The following CHSY1 variants were observed in gnomAD, a reference collection of about 807,000 sequenced individuals.
CHSY1 encodes N-acetylgalactosaminyl-proteoglycan 3-beta-glucuronosyltransferase 1.
In CHSY1, 13 loss-of-function variants were observed where a neutral mutation model predicts 59.8. The observed-to-expected ratio is 0.22, with a 90% confidence interval of 0.14 to 0.35. The LOEUF is 0.35. Ranked by LOEUF, CHSY1 falls within the 10% of genes least tolerant of loss-of-function variation. CHSY1 has a pLI of 1.00. For synonymous variants in CHSY1, 459 were observed against 401.2 expected (o/e 1.14, Z -1.72); for missense variants, 947 against 1,030.6 (o/e 0.92, Z 1.11).
intron 2 of CHSY1, among the ~76,000 whole-genome samples, chr15:101,226,363 C>A (rs1294831305): frequency 6.6e-6 from 1 of 152,102 alleles, no homozygotes; most frequent in East Asian, 1.9e-4. Flanking sequence ...TTGGAACCAC[C>A]CTATAACGTA....
At chr15:101,203,830 G>A (rs1473597967) in intron 2 of CHSY1, among the ~76,000 whole-genome samples, 1 of 152,164 alleles carries the variant, frequency 6.6e-6, no homozygotes, top group Non-Finnish European at 1.5e-5. Context: ...TCAAGGTCAT[G>A]AACAGCAAAG....
chr15:101,225,301 C>A (rs911525527), intron 2 of CHSY1, among the ~76,000 whole-genome samples: 2 of 152,070 alleles, frequency 1.3e-5, no homozygotes, highest in Admixed American at 6.5e-5. Context: ...CTCCTGGGCT[C>A]AAGTGATTCT....
chr15:101,213,777 G>A (rs1166966049), intron 2 of CHSY1, among the ~76,000 whole-genome samples: 2 of 152,136 alleles, frequency 1.3e-5, no homozygotes, highest in Admixed American at 1.3e-4. Context: ...AGAAGATACA[G>A]GTACGAAGAA....
chr15:101,238,698 T>C (rs1456345169), intron 1 of CHSY1, among the ~76,000 whole-genome samples: 1 of 152,234 alleles, frequency 6.6e-6, no homozygotes, highest in African/African-American at 2.4e-5. Flanking sequence ...AAAATGGACC[T>C]GTATTCTTAC....
intron 2 of CHSY1, among the ~76,000 whole-genome samples, chr15:101,231,320 C>T (rs550506125): frequency 3.3e-5 from 5 of 152,292 alleles, no homozygotes; most frequent in Admixed American, 2.0e-4. Flanking sequence ...GTAGGTATTA[C>T]GCTACCATTC....
At chr15:101,239,590 T>C (rs888110855) in intron 1 of CHSY1, among the ~76,000 whole-genome samples, 1 of 152,212 alleles carries the variant, frequency 6.6e-6, no homozygotes, top group Non-Finnish European at 1.5e-5. Flanking sequence ...GTATGACTTA[T>C]TATTAAGGAA....
chr15:101,219,341 T>A (rs2038765936), intron 2 of CHSY1, among the ~76,000 whole-genome samples: 1 of 152,324 alleles, frequency 6.6e-6, no homozygotes, highest in South Asian at 2.1e-4. Flanking sequence ...CAGCATTCAG[T>A]CTCTAAAAGT....
chr15:101,234,630 A>G (rs1417831136), intron 2 of CHSY1, among the ~76,000 whole-genome samples: 2 of 152,192 alleles, frequency 1.3e-5, no homozygotes, highest in Non-Finnish European at 2.9e-5. Flanking sequence ...GCATTTTGGG[A>G]GGCTGAGGCA....
intron 2 of CHSY1, among the ~76,000 whole-genome samples, chr15:101,198,114 C>G (rs1028198834): frequency 3.9e-5 from 6 of 152,012 alleles, no homozygotes; most frequent in South Asian, 2.1e-4. Flanking sequence ...CAAGACCCCC[C>G]CAAGCAGAGT....
chr15:101,247,448 C>A (rs914495585), intron 1 of CHSY1, among the ~76,000 whole-genome samples: 1 of 152,192 alleles, frequency 6.6e-6, no homozygotes. Flanking sequence ...CTAGCAGAAA[C>A]CCTCTTTTTA....
chr15:101,200,024 C>T (rs1287836174), intron 2 of CHSY1, among the ~76,000 whole-genome samples: 5 of 152,202 alleles, frequency 3.3e-5, no homozygotes, highest in African/African-American at 1.2e-4. Flanking sequence ...ATTCGTTTCA[C>T]GCAACCAATG....
chr15:101,177,574 T>G lies in CHSY1; in HGVS notation c.2223A>C (p.Gly741=), dbSNP rs1415228695. 1.2e-6 allele frequency: 2 copies of G among 1,614,160 alleles called. No homozygotes were observed. Among genetic ancestry groups the G allele is most frequent in the South Asian group, 2.2e-5 (2 of 91,078 alleles). The change falls in exon 3 of 3, where the codon GGA becomes GGC. Residue 741 remains glycine (G), a synonymous_variant. Coordinates refer to ENST00000254190, the MANE Select transcript of CHSY1 (RefSeq NM_014918.5). ...GLKTFRSQEV[G]VVHVHHPVFC... ...AGACAGGATGGTGGACGTGGACTAC[T>G]CCTACTTCCTGGCTCCTAAACGTCT...
intron 1 of CHSY1, among the ~76,000 whole-genome samples, chr15:101,240,629 A>G (rs1416930534): frequency 1.3e-5 from 2 of 152,246 alleles, no homozygotes; most frequent in Non-Finnish European, 2.9e-5. Context: ...ATCACAGTTA[A>G]GTAATTCAGC....
At chr15:101,207,997 G>A (rs1371548299) in intron 2 of CHSY1, among the ~76,000 whole-genome samples, 1 of 152,242 alleles carries the variant, frequency 6.6e-6, no homozygotes, top group Non-Finnish European at 1.5e-5. Flanking sequence ...AGGAGGCATT[G>A]CAACAGAGGA....
intron 2 of CHSY1, among the ~76,000 whole-genome samples, chr15:101,186,969 T>G (rs1334603293): frequency 6.6e-6 from 1 of 152,208 alleles, no homozygotes; most frequent in Non-Finnish European, 1.5e-5. Context: ...CTGACATTCT[T>G]CTGCCCACCT....
chr15:101,243,227 A>G (rs2039019836), intron 1 of CHSY1, among the ~76,000 whole-genome samples: 2 of 152,322 alleles, frequency 1.3e-5, no homozygotes, highest in South Asian at 4.1e-4. Context: ...TTGAAACATC[A>G]CAATTAAAAT....
chr15:101,208,502 C>T (rs1037707454), intron 2 of CHSY1, among the ~76,000 whole-genome samples: 1 of 152,118 alleles, frequency 6.6e-6, no homozygotes, highest in African/African-American at 2.4e-5. Context: ...CATTTGAGGT[C>T]AGGAGTTCGA....
chr15:101,200,687 C>G (rs2038564437), intron 2 of CHSY1, among the ~76,000 whole-genome samples: 2 of 152,212 alleles, frequency 1.3e-5, no homozygotes, highest in South Asian at 4.1e-4. Flanking sequence ...GCAAGCCTCT[C>G]AGCTATGATT....
intron 2 of CHSY1, among the ~76,000 whole-genome samples, chr15:101,224,063 A>G (rs1274748405): frequency 2.6e-5 from 4 of 152,244 alleles, no homozygotes; most frequent in Non-Finnish European, 5.9e-5. Context: ...GCACAGTAAC[A>G]TGCTGTACAG....
Sources: allele counts gnomAD v4.1 joint callset (sites outside exome capture counted in the v4.1 genomes callset), GRCh38; gene constraint gnomAD v4.1.1; transcripts MANE v1.5; gene names NCBI Gene and HGNC (gene_info 2026-07-23, HGNC 2026-07-21).